The following POLE variants were observed in gnomAD, a reference collection of about 807,000 sequenced individuals.
POLE encodes the protein DNA polymerase epsilon catalytic subunit A.
Under a neutral mutation model 279.2 loss-of-function variants are expected in POLE, and 188 were observed. That is an observed-to-expected ratio of 0.67 (90% CI 0.60 to 0.76). The LOEUF (loss-of-function observed/expected upper bound fraction) is 0.76. Ranked by LOEUF, POLE falls within the 30% of genes least tolerant of loss-of-function variation. POLE has a pLI of 0.00. For missense variants in POLE, 2,703 were observed against 3,016.7 expected (o/e 0.90, Z 2.44); for synonymous variants, 1,214 against 1,172.5 (o/e 1.04, Z -0.72).
chr12:132,675,560 C>A lies in POLE; in HGVS notation c.1107-43G>T, dbSNP rs1234772436. The A allele has an allele frequency of 6.2e-7, 1 of 1,610,892 alleles. No individual in the cohort carries two copies. The highest frequency in any genetic ancestry group is 2.2e-5 in the East Asian group (1 of 44,860). ...CAGACAAGCAAGTGGGCAGGTCAGGCTCTAATGCCCCTTTCTCCATTCCTC... is the reference window on the plus strand; with the variant it reads ...CAGACAAGCAAGTGGGCAGGTCAGGATCTAATGCCCCTTTCTCCATTCCTC... On this transcript the variant is annotated intron_variant, in intron 11 of 48. Transcript: ENST00000320574. This position sits in a 1 kb window ranked among gnomAD's most constrained non-coding sequence, Gnocchi z 4.3.
rs373768478 is a variant in POLE, at chr12:132,624,807, A to G, written c.6751T>C (p.Phe2251Leu). The change falls in exon 49 of 49, where the codon TTC becomes CTC. Residue 2251 changes from phenylalanine to leucine, a missense_variant. Physicochemically the swap from Phe to Leu is conservative, Grantham distance 22 (BLOSUM62 0). This residue lies in a region of POLE where 1,551 missense variants were observed against 1,686.1 expected (regional missense o/e 0.92). Coordinates refer to ENST00000320574, the MANE Select transcript of POLE (RefSeq NM_006231.4). ...CGGAATATTCCGATCTGTTCCATGAAGACCTGCAGGAATAAACAGGCACAG... is the reference window on the plus strand; with the variant it reads ...CGGAATATTCCGATCTGTTCCATGAGGACCTGCAGGAATAAACAGGCACAG... ...DFALTIHTQV[F>L]MEQIGIFRNI... 2.5e-5 allele frequency: 40 copies of G among 1,609,596 alleles called. No individual in the cohort carries two copies. The African/African-American group carries it at 4.8e-4, about 19-fold the overall frequency.
At chr12:132,625,280 T>C in intron 47 of POLE, 1 of 729,420 alleles carries the variant, frequency 1.4e-6, no homozygotes, top group South Asian at 1.4e-5. Flanking sequence ...CTGAACGCCG[T>C]GCACCACCAC....
chr12:132,646,562 A>G (rs2042288543), intron 32 of POLE, among the ~76,000 whole-genome samples: 1 of 150,224 alleles, frequency 6.7e-6, no homozygotes, highest in Non-Finnish European at 1.5e-5. Flanking sequence ...GCCGGGCGCC[A>G]TGGTTCAACC....
At chr12:132,644,210 G>A (rs1445058150) in intron 32 of POLE, among the ~76,000 whole-genome samples, 2 of 152,080 alleles carry the variant, frequency 1.3e-5, no homozygotes, top group Non-Finnish European at 2.9e-5. Flanking sequence ...TGCCCAGGCT[G>A]GAGTGCAGCA....
In POLE at chr12:132,668,338, C is replaced by T. The variant is rs761505322; in HGVS notation, c.2173+18G>A. 1.3e-6 allele frequency: 2 copies of T among 1,550,060 alleles called. No homozygotes were observed. The highest frequency in any genetic ancestry group is 8.7e-7 in the Non-Finnish European group (1 of 1,146,944). ...AGGAGCCACATCTTTACAGCCGTGA[C>T]CATGCCCAGGCACTCACCCGCCAGC... On this transcript the variant is annotated intron_variant, in intron 19 of 48. Coordinates refer to ENST00000320574, the MANE Select transcript of POLE (RefSeq NM_006231.4). The surrounding 1 kb of genome is among the most constrained non-coding windows in gnomAD (Gnocchi z 4.0).
chr12:132,658,881 C>CAAAAAAAAAAAAAAAAAAA lies in POLE; in HGVS notation c.3275+395_3275+413dup, dbSNP rs1167117347. Among the ~76,000 whole-genome samples the CAAAAAAAAAAAAAAAAAAA allele has an allele frequency of 1.4e-3, 47 of 33,836 alleles. 7 individuals are homozygous for CAAAAAAAAAAAAAAAAAAA. The highest frequency in any genetic ancestry group is 1.8e-3 in the Non-Finnish European group (32 of 17,928). 22.2% of individuals were successfully genotyped at this position (33,836 alleles called of 152,430 possible). A position where few individuals can be genotyped will look rare whatever the true frequency, so the allele number is the denominator to read the frequency against. ...ACTGGTCCTATTTGTATATAACCAC[C>CAAAAAAAAAAAAAAAAAAA]AAAAAAAAAAAAAAAAAAAAAAAAA... On this transcript the variant is annotated intron_variant, in intron 26 of 48. Coordinates refer to ENST00000320574, the MANE Select transcript of POLE (RefSeq NM_006231.4).
chr12:132,687,010 G>A (rs879526435), intron 1 of POLE, among the ~76,000 whole-genome samples: 1 of 151,328 alleles, frequency 6.6e-6, no homozygotes, highest in African/African-American at 2.4e-5. Context: ...AGAAAGAGCC[G>A]AGCAGGGAAA....
chr12:132,667,338 C>G (rs966744759), intron 20 of POLE, among the ~76,000 whole-genome samples, 165 bp downstream of exon 20: 1 of 152,136 alleles, frequency 6.6e-6, no homozygotes, highest in African/African-American at 2.4e-5. Context: ...TGGTCTGCAT[C>G]CTTCGTGGCC....
intron 23 of POLE, among the ~76,000 whole-genome samples, chr12:132,662,092 C>T (rs2042694774): frequency 1.3e-5 from 2 of 152,178 alleles, no homozygotes; most frequent in African/African-American, 4.8e-5. Flanking sequence ...CAGGGCTGTA[C>T]GCTACAGAGT....
chr12:132,681,253 G>T lies in POLE; in HGVS notation c.89C>A (p.Ser30Ter), dbSNP rs997586826. 6.2e-7 allele frequency: 1 copy of T among 1,614,168 alleles called. No individual in the cohort carries two copies. The highest frequency in any genetic ancestry group is 8.5e-7 in the Non-Finnish European group (1 of 1,180,018). ...SRDDGATSSV[S>*]ALKRLERSQW... ...ACTCCGTTCCAGGCGCTTGAGTGCC[G>T]AAACTGAGGAAGTGGCGCCATCATC... Residue 30 changes from serine (S) to a stop codon, truncating the protein, a stop_gained, in exon 2 of 49, where the codon TCG becomes TAG. Transcript: ENST00000320574. LOFTEE classifies it high-confidence loss of function.
Position 132,634,127 on chromosome 12 carries a change from C to A in POLE, c.6004+59G>T. On this transcript the variant is annotated intron_variant, in intron 43 of 48. Coordinates refer to ENST00000320574, the MANE Select transcript of POLE (RefSeq NM_006231.4). The surrounding 1 kb of genome is among the most constrained non-coding windows in gnomAD (Gnocchi z 4.0). ...TTGCGATACCATGGCACAGGAGCCA[C>A]ATCTACTAACCATGAGTCCCTTCAG... 1 of 1,432,344 alleles carries A rather than the reference C, an allele frequency of 7.0e-7. No individual in the cohort carries two copies. The highest frequency in any genetic ancestry group is 9.6e-7 in the Non-Finnish European group (1 of 1,040,732). 88.7% of individuals were successfully genotyped at this position (1,432,344 alleles called of 1,614,324 possible).
At chr12:132,655,981 G>C (rs1266122455) in intron 29 of POLE, among the ~76,000 whole-genome samples, 1 of 151,602 alleles carries the variant, frequency 6.6e-6, no homozygotes, top group African/African-American at 2.4e-5. Flanking sequence ...TGGCCAACAT[G>C]GTGAAACCCC....
intron 16 of POLE, among the ~76,000 whole-genome samples, chr12:132,669,808 C>A (rs1367852661): frequency 6.6e-6 from 1 of 152,182 alleles, no homozygotes; most frequent in African/African-American, 2.4e-5. Context: ...CTGCTGACAT[C>A]CCCCCAGCCA....
chr12:132,662,377 C>G (rs2042699608), intron 23 of POLE, among the ~76,000 whole-genome samples: 1 of 152,210 alleles, frequency 6.6e-6, no homozygotes, highest in Non-Finnish European at 1.5e-5. Flanking sequence ...TTTACATGGA[C>G]TCTAGGATTG....
At chr12:132,665,630 A>G (rs1434484202) in intron 20 of POLE, among the ~76,000 whole-genome samples, 180 bp from the exon 21 acceptor site, 1 of 152,188 alleles carries the variant, frequency 6.6e-6, no homozygotes, top group Non-Finnish European at 1.5e-5. Context: ...ATTTTGTCAC[A>G]CTTCCTTTAT....
intron 47 of POLE, 75 bp from the exon 48 acceptor site, chr12:132,625,069 C>T (rs1429515261): frequency 1.4e-5 from 15 of 1,087,920 alleles, no homozygotes; most frequent in Non-Finnish European, 1.9e-5. Flanking sequence ...TTCACAGGCT[C>T]GCGAGACACA....
chr12:132,645,968 A>G (rs2042274790), intron 32 of POLE, among the ~76,000 whole-genome samples: 1 of 152,232 alleles, frequency 6.6e-6, no homozygotes, highest in Non-Finnish European at 1.5e-5. Context: ...GTTTCTCAAC[A>G]TAACCTCTCA....
intron 23 of POLE, among the ~76,000 whole-genome samples, chr12:132,663,394 C>T (rs1429052522): frequency 6.6e-6 from 1 of 152,226 alleles, no homozygotes; most frequent in East Asian, 1.9e-4. Flanking sequence ...GGGAGGGTGT[C>T]GCACCTGTGG....
At chr12:132,640,774 T>C (rs1297743118) in intron 39 of POLE, among the ~76,000 whole-genome samples, 1 of 152,240 alleles carries the variant, frequency 6.6e-6, no homozygotes, top group Non-Finnish European at 1.5e-5. Flanking sequence ...AAACCCCACA[T>C]TCTCCAGAGC....
Sources: gnomAD v4.1 joint callset for allele counts (sites outside exome capture counted in the v4.1 genomes callset) on GRCh38, gnomAD v4.1.1 for gene constraint, gnomAD v4.1.1 regional missense constraint, Gnocchi (gnomAD v3.1) non-coding constraint, MANE v1.5 for transcripts, NCBI Gene and HGNC (gene_info 2026-07-23, HGNC 2026-07-21) for gene names.